Variants in COL18A1 observed in about 807,000 individuals in gnomAD.
COL18A1 encodes collagen type XVIII alpha 1 chain.
A neutral mutation model predicts 168.0 loss-of-function variants in COL18A1; 133 were observed. That is an observed-to-expected ratio of 0.79 (90% CI 0.69 to 0.91). COL18A1 has a LOEUF of 0.91. Among genes scored for constraint, COL18A1 ranks in the 40% least tolerant of loss-of-function variants. COL18A1 has a pLI of 0.00. For missense variants in COL18A1, 2,126 were observed against 1,925.4 expected (o/e 1.10, Z -1.95); for synonymous variants, 949 against 809.0 (o/e 1.17, Z -2.94).
chr21:45,507,469 TGCTGGGGCGGGAGAGTCGGGTGCTGGGCA>T, intron 37 of COL18A1, 63 bp from the exon 38 acceptor site: 1 of 392,444 alleles, frequency 2.5e-6, no homozygotes, highest in Non-Finnish European at 3.5e-6. Flanking sequence ...GAGGGCCAGG[TGCTGGGGCGGGAGAGTCGGGTGCTGGGCA>T]GGGAGGGCAC....
rs1301199323 is a variant in COL18A1 at position 45,471,791 on chromosome 21, C to A, written c.652-2104C>A. Among the ~76,000 whole-genome samples, 1 of 152,066 alleles carries A rather than the reference C, an allele frequency of 6.6e-6. No homozygotes were observed. Among genetic ancestry groups the A allele is most frequent in the Non-Finnish European group, 1.5e-5 (1 of 68,028 alleles). The stretch of plus-strand genomic sequence containing the variant: ...GATTTCCAGGGCGCTGAGGCTGCAG[C>A]GTGTCGGGAAGCATTTTACATGCTC... On this transcript the variant is annotated intron_variant, in intron 3 of 41. Coordinates refer to ENST00000651438, the MANE Select transcript of COL18A1 (RefSeq NM_001379500.1). This position sits in a 1 kb window ranked among gnomAD's most constrained non-coding sequence, Gnocchi z 4.4.
chr21:45,425,480 C>T lies in COL18A1; in HGVS notation c.106+20007C>T, dbSNP rs780072431. Among the ~76,000 whole-genome samples the T allele has an allele frequency of 3.9e-5, 6 of 152,192 alleles. 1 individual carries two copies. The highest frequency in any genetic ancestry group is 8.8e-5 in the Non-Finnish European group (6 of 68,028). On this transcript the variant is annotated intron_variant, in intron 2 of 41. Transcript: ENST00000651438. This position sits in a 1 kb window ranked among gnomAD's most constrained non-coding sequence, Gnocchi z 4.1. The stretch of plus-strand genomic sequence containing the variant: ...GCCTCACCCTCGGGTGGCCCAAGGC[C>T]TCTGAAAACCGTCACGGCAGGGGTC...
chr21:45,474,862 C>G (rs2035585889), intron 4 of COL18A1, among the ~76,000 whole-genome samples: 1 of 151,850 alleles, frequency 6.6e-6, no homozygotes, highest in Non-Finnish European at 1.5e-5. Context: ...CTTTATTTTG[C>G]CCAATAAGCC....
intron 2 of COL18A1, among the ~76,000 whole-genome samples, chr21:45,410,300 G>A (rs932669517): frequency 6.6e-6 from 1 of 152,264 alleles, no homozygotes; most frequent in Non-Finnish European, 1.5e-5. Context: ...CCTTGTGATG[G>A]GCAGGGCAGG....
chr21:45,449,961 T>C lies in COL18A1; in HGVS notation c.107-18281T>C, dbSNP rs565130876. Among the ~76,000 whole-genome samples, 7 of 152,338 alleles carry C rather than the reference T, an allele frequency of 4.6e-5. No individual in the cohort carries two copies. In the East Asian group the frequency reaches 1.3e-3, roughly 29 times the overall value. ...GAGCCCAGGAAGCACGTTCAGAGAC[T>C]TCAGACAATCATAAACTAGTTGCGC... On this transcript the variant is annotated intron_variant, in intron 2 of 41. Coordinates refer to ENST00000651438, the MANE Select transcript of COL18A1 (RefSeq NM_001379500.1).
intron 2 of COL18A1, among the ~76,000 whole-genome samples, chr21:45,436,797 G>A (rs2034113604): frequency 6.6e-6 from 1 of 151,684 alleles, no homozygotes; most frequent in Non-Finnish European, 1.5e-5. Context: ...GCTGTGGAGG[G>A]AGGGAGCTGT....
At chr21:45,487,693 C>T in intron 17 of COL18A1, 184 bp downstream of exon 17, 1 of 757,366 alleles carries the variant, frequency 1.3e-6, no homozygotes, top group Non-Finnish European at 2.3e-6. Context: ...GATGCCCCTT[C>T]ATTGAACTAA....
rs114825969 is a variant in COL18A1, at chr21:45,479,029, G to A, written c.1248+676G>A. 3.2e-3 allele frequency among the ~76,000 whole-genome samples: 488 copies of A among 152,296 alleles called. 2 individuals are homozygous for A. The highest frequency in any genetic ancestry group is 0.011 in the African/African-American group (442 of 41,574). ...GGACCACGGCAGACAAAGGACAGTC[G>A]GCTGGGGGGCGGCACGGGGCCCACC... On this transcript the variant is annotated intron_variant, in intron 9 of 41. Coordinates refer to ENST00000651438, the MANE Select transcript of COL18A1 (RefSeq NM_001379500.1).
intron 2 of COL18A1, among the ~76,000 whole-genome samples, chr21:45,453,572 G>A (rs896452957): frequency 1.3e-5 from 2 of 152,212 alleles, no homozygotes; most frequent in East Asian, 1.9e-4. Context: ...GGTTAAACGT[G>A]CGATGCTGTG....
chr21:45,417,078 C>T (rs987372277), intron 2 of COL18A1, among the ~76,000 whole-genome samples: 1 of 152,104 alleles, frequency 6.6e-6, no homozygotes, highest in Admixed American at 6.6e-5. Context: ...TGTCGGTGTT[C>T]TTGGTTGCTT....
chr21:45,418,705 C>T (rs2033523559), intron 2 of COL18A1, among the ~76,000 whole-genome samples: 1 of 150,406 alleles, frequency 6.6e-6, no homozygotes, highest in Admixed American at 6.6e-5. Context: ...TCAGGGGCCT[C>T]CCAGCCACCT....
rs1733305892 is a variant in COL18A1 at position 45,509,426 on chromosome 21, A to G, written c.3320A>G (p.Glu1107Gly). The G allele has an allele frequency of 1.1e-5, 17 of 1,535,354 alleles. No homozygotes were observed. Among genetic ancestry groups the G allele is most frequent in the Non-Finnish European group, 1.5e-5 (17 of 1,141,760 alleles). The change falls in exon 39 of 42, where the codon GAG becomes GGG. Residue 1107 changes from glutamate to glycine, a missense_variant. Transcript: ENST00000651438. Reference sequence around the variant, plus strand: ...GACAGCAACCCCTACCCGCGGCGGGAGCACCCCCACCCCACCGCGCGGCCC... The same window carrying G: ...GACAGCAACCCCTACCCGCGGCGGGGGCACCCCCACCCCACCGCGCGGCCC... Reference protein sequence around the residue: ...LHDSNPYPRREHPHPTARPWR... With the variant: ...LHDSNPYPRRGHPHPTARPWR...
intron 2 of COL18A1, among the ~76,000 whole-genome samples, chr21:45,414,210 G>GGT (rs1479771365): frequency 6.6e-6 from 1 of 152,198 alleles, no homozygotes; most frequent in Admixed American, 6.5e-5. Context: ...AGGAGGCCAT[G>GGT]GTGTGCCTGT....
At position 45,477,816 on chromosome 21, in the gene COL18A1, G is replaced by C. The variant is rs62000458; in HGVS notation, c.1072G>C (p.Gly358Arg). 5.2e-6 allele frequency: 8 copies of C among 1,551,570 alleles called. No individual in the cohort carries two copies. The highest frequency in any genetic ancestry group is 3.9e-5 in the Admixed American group (2 of 51,114). Residue 358 changes from glycine to arginine, a missense_variant, in exon 8 of 42, where the codon GGA becomes CGA. Transcript: ENST00000651438. ...PGPPGRAGPP[G>R]SPCLPGPPGL... ...CCCACCTGGCCGGGCAGGCCCCCCAGGATCCCCATGCCTACCTGGTCCCCC... is the reference window on the plus strand; with the variant it reads ...CCCACCTGGCCGGGCAGGCCCCCCACGATCCCCATGCCTACCTGGTCCCCC...
rs897403951 is a variant in COL18A1 at position 45,411,662 on chromosome 21, A to G, written c.106+6189A>G. On this transcript the variant is annotated intron_variant, in intron 2 of 41. Coordinates refer to ENST00000651438, the MANE Select transcript of COL18A1 (RefSeq NM_001379500.1). ...CCCGGCGCTGTGAGTGAGCAGTCAT[A>G]GGGAACAGTGCACCCTTATCGCTGA... Among the ~76,000 whole-genome samples the G allele has an allele frequency of 3.1e-4, 46 of 150,560 alleles. 2 individuals carry two copies. The highest frequency in any genetic ancestry group is 1.5e-5 in the Non-Finnish European group (1 of 67,730).
intron 29 of COL18A1, chr21:45,495,864 C>G (rs150690081): frequency 3.1e-6 from 1 of 317,936 alleles, no homozygotes; most frequent in South Asian, 2.8e-5. Context: ...TACATGTGCA[C>G]GTATCCACAT....
At chr21:45,412,355 G>C (rs1355609502) in intron 2 of COL18A1, among the ~76,000 whole-genome samples, 2 of 150,920 alleles carry the variant, frequency 1.3e-5, no homozygotes, top group African/African-American at 4.9e-5. Context: ...TCCTGCCTCA[G>C]CCTCCTGAGT....
chr21:45,462,360 C>T (rs1006063312), intron 2 of COL18A1, among the ~76,000 whole-genome samples: 2 of 152,184 alleles, frequency 1.3e-5, no homozygotes, highest in Non-Finnish European at 2.9e-5. Flanking sequence ...CTGCACCTTT[C>T]TTTTTCTCTT....
chr21:45,447,826 C>G (rs1474945521), intron 2 of COL18A1, among the ~76,000 whole-genome samples: 2 of 152,126 alleles, frequency 1.3e-5, no homozygotes, highest in African/African-American at 4.8e-5. Context: ...GGTTCGCCCT[C>G]AGTGAACTTT....
Sources: allele counts gnomAD v4.1 joint callset (sites outside exome capture counted in the v4.1 genomes callset), GRCh38; gene constraint gnomAD v4.1.1; non-coding constraint Gnocchi (gnomAD v3.1); transcripts MANE v1.5; gene names NCBI Gene and HGNC (gene_info 2026-07-23, HGNC 2026-07-21).